The following EHMT1 variants were observed in gnomAD, a reference collection of about 807,000 sequenced individuals.
EHMT1 encodes the protein euchromatic histone lysine methyltransferase 1, also known as histone-lysine N-methyltransferase EHMT1.
Under a neutral mutation model 147.2 loss-of-function variants are expected in EHMT1, and 15 were observed. The observed-to-expected ratio is 0.10, with a 90% CI of 0.07 to 0.16. The LOEUF is 0.16. EHMT1 is among the 10% of genes least tolerant of loss of function. The probability of loss-of-function intolerance (pLI) is 1.00; values close to 1 mark genes in which losing one functional copy is unlikely to be tolerated. For missense variants in EHMT1, 1,587 were observed against 1,772.4 expected, an observed-to-expected ratio of 0.90 and a Z score of 1.88; for synonymous variants, 795 against 709.6, an observed-to-expected ratio of 1.12 and a Z score of -1.91.
chr9:137,619,808 A>C (rs1564510659), intron 1 of EHMT1, among the ~76,000 whole-genome samples: 2 of 152,028 alleles, frequency 1.3e-5, no homozygotes, highest in Non-Finnish European at 2.9e-5. Context: ...CAGCGTAGAG[A>C]TTAAAGTCTT....
intron 1 of EHMT1, among the ~76,000 whole-genome samples, chr9:137,682,653 A>G (rs1942060375): frequency 6.6e-6 from 1 of 152,302 alleles, no homozygotes; most frequent in Non-Finnish European, 1.5e-5. Context: ...GTCACCTCAC[A>G]TGACAAGGAG....
Position 137,674,499 on chromosome 9 carries a change from T to G in EHMT1, c.22-36468T>G, listed in dbSNP as rs943927580. 2.6e-5 allele frequency among the ~76,000 whole-genome samples: 4 copies of G among 152,322 alleles called. No homozygotes were observed. In the South Asian group the frequency reaches 8.3e-4, roughly 32 times the overall value. On this transcript the variant is annotated intron_variant, in intron 1 of 26. Coordinates refer to ENST00000460843, the MANE Select transcript of EHMT1 (RefSeq NM_024757.5). ...GCCCTGACTCTCGGCTCCAGCGCTC[T>G]TTCTTTGTGTTCTGTCTGGTCTAGA...
intron 4 of EHMT1, among the ~76,000 whole-genome samples, chr9:137,734,671 T>C (rs945244988): frequency 3.9e-5 from 6 of 152,234 alleles, no homozygotes; most frequent in African/African-American, 1.4e-4. Context: ...GAGACACTTC[T>C]GTAGAAAGAC....
At chr9:137,704,182 C>A (rs10867054) in intron 1 of EHMT1, among the ~76,000 whole-genome samples, 4 of 152,044 alleles carry the variant, frequency 2.6e-5, no homozygotes, top group Admixed American at 1.3e-4. Flanking sequence ...CCCCAATATT[C>A]GGGATTACAG....
Position 137,629,391 on chromosome 9 carries a change from C to T in EHMT1, c.21+10342C>T, listed in dbSNP as rs576529421. ...ACCGGCGTGAGCCACCACACCTGGC[C>T]AGTTTTTTTGTTGTTGTTGTTAAAT... On this transcript the variant is annotated intron_variant, in intron 1 of 26. Coordinates refer to ENST00000460843, the MANE Select transcript of EHMT1 (RefSeq NM_024757.5). Among the ~76,000 whole-genome samples the T allele has an allele frequency of 1.4e-4, 20 of 146,502 alleles. No homozygotes were observed. The South Asian group carries it at 4.4e-3, about 32-fold the overall frequency.
At chr9:137,726,631 C>T (rs191965808) in intron 3 of EHMT1, among the ~76,000 whole-genome samples, 31 of 152,262 alleles carry the variant, frequency 2.0e-4, no homozygotes, top group East Asian at 3.9e-4. Flanking sequence ...TGCTGGGGCA[C>T]GTGCCCAGCA....
In EHMT1 at chr9:137,717,625, A is replaced by AG. The variant is rs1564631753; in HGVS notation, c.642+443_642+444insG. The stretch of plus-strand genomic sequence containing the variant: ...TGTCTCAAAAAAAAAAAAAAAAAAA[A>AG]AGAGATGCTGCTAATGCCTTGTGCG... On this transcript the variant is annotated intron_variant, in intron 3 of 26. Coordinates refer to ENST00000460843, the MANE Select transcript of EHMT1 (RefSeq NM_024757.5). Among the ~76,000 whole-genome samples the AG allele has an allele frequency of 8.0e-4, 115 of 143,828 alleles. 2 individuals are homozygous for AG. The highest frequency in any genetic ancestry group is 3.1e-3 in the African/African-American group (114 of 37,132). The allele number at this position is 143,828 out of a possible 152,430, so 94.4% of individuals were successfully genotyped here.
intron 1 of EHMT1, among the ~76,000 whole-genome samples, chr9:137,700,027 G>T (rs566764039): frequency 1.4e-4 from 22 of 152,178 alleles, no homozygotes; most frequent in Non-Finnish European, 2.8e-4. Flanking sequence ...GAACATTTCA[G>T]TTACGTAAAT....
chr9:137,682,524 G>T (rs1193769406), intron 1 of EHMT1, among the ~76,000 whole-genome samples: 1 of 152,200 alleles, frequency 6.6e-6, no homozygotes, highest in Non-Finnish European at 1.5e-5. Flanking sequence ...GGCCAGAGTT[G>T]CAGGGCTGTG....
chr9:137,651,526 G>A (rs964041716), intron 1 of EHMT1, among the ~76,000 whole-genome samples: 3 of 152,184 alleles, frequency 2.0e-5, no homozygotes, highest in Non-Finnish European at 2.9e-5. Flanking sequence ...GCTCACGCTT[G>A]TAATCCCATC....
chr9:137,825,345 C>T (rs1008927461), intron 25 of EHMT1, among the ~76,000 whole-genome samples: 1 of 152,330 alleles, frequency 6.6e-6, no homozygotes, highest in East Asian at 1.9e-4. Flanking sequence ...CTCCGAGCCA[C>T]GGCCACGCTG....
At chr9:137,705,063 A>G (rs2135262293) in intron 1 of EHMT1, among the ~76,000 whole-genome samples, 1 of 151,420 alleles carries the variant, frequency 6.6e-6, no homozygotes, top group South Asian at 2.1e-4. Flanking sequence ...CCTTGTTTCA[A>G]GGAAACCTTG....
intron 4 of EHMT1, among the ~76,000 whole-genome samples, chr9:137,728,827 T>C (rs1477492921): frequency 6.6e-6 from 1 of 152,228 alleles, no homozygotes; most frequent in East Asian, 1.9e-4. Context: ...ACCCTGGAGT[T>C]GGAAGCTTTC....
intron 15 of EHMT1, among the ~76,000 whole-genome samples, chr9:137,783,325 T>A (rs1172324577): frequency 6.6e-6 from 1 of 152,234 alleles, no homozygotes; most frequent in Non-Finnish European, 1.5e-5. Flanking sequence ...CTTTTGGTTC[T>A]GCCTTCTAGG....
intron 1 of EHMT1, among the ~76,000 whole-genome samples, chr9:137,660,044 T>C (rs1342734218): frequency 6.6e-6 from 1 of 152,062 alleles, no homozygotes; most frequent in Non-Finnish European, 1.5e-5. Flanking sequence ...TTCGATTTCA[T>C]CTTTCTTCAT....
intron 8 of EHMT1, among the ~76,000 whole-genome samples, chr9:137,755,394 G>T (rs554973158): frequency 6.6e-6 from 1 of 152,184 alleles, no homozygotes; most frequent in Non-Finnish European, 1.5e-5. Flanking sequence ...CCAGGCTGTC[G>T]AATGGCCAGG....
At chr9:137,768,545 T>G (rs1653990974) in intron 10 of EHMT1, among the ~76,000 whole-genome samples, 1 of 83,798 alleles carries the variant, frequency 1.2e-5, no homozygotes, top group Admixed American at 1.2e-4. Context: ...TTTTTTTTTT[T>G]TTTTTTTTTT....
At chr9:137,812,461 T>G (rs1388934640) in intron 19 of EHMT1, among the ~76,000 whole-genome samples, 1 of 152,250 alleles carries the variant, frequency 6.6e-6, no homozygotes, top group Non-Finnish European at 1.5e-5. Flanking sequence ...GACAGGGAAC[T>G]GTGGGTGCTC....
At chr9:137,710,333 T>C (rs1249737501) in intron 1 of EHMT1, among the ~76,000 whole-genome samples, 1 of 151,950 alleles carries the variant, frequency 6.6e-6, no homozygotes, top group African/African-American at 2.4e-5. Context: ...AGCATCTGGG[T>C]GTGGTGGTGT....
Sources: gnomAD v4.1 joint callset for allele counts (sites outside exome capture counted in the v4.1 genomes callset) on GRCh38, gnomAD v4.1.1 for gene constraint, MANE v1.5 for transcripts, NCBI Gene and HGNC (gene_info 2026-07-23, HGNC 2026-07-21) for gene names.